RABL2A: variants seen among roughly 807,000 people sequenced by gnomAD.
RABL2A encodes the protein RAB, member of RAS oncogene family like 2A, also known as rab-like protein 2A.
In RABL2A, 17 loss-of-function variants were observed where a neutral mutation model predicts 30.7. That is an observed-to-expected ratio of 0.55 (90% CI 0.38 to 0.83). The LOEUF is 0.83. Among genes scored for constraint, RABL2A ranks in the 40% least tolerant of loss-of-function variants. The pLI, the probability that RABL2A is intolerant of heterozygous loss-of-function variation, is 0.00. For missense variants in RABL2A, 155 were observed against 272.6 expected (o/e 0.57, Z 3.04); for synonymous variants, 64 against 101.8 (o/e 0.63, Z 2.24).
At chr2:113,640,870 T>C in intron 5 of RABL2A, 24 bp from the exon 6 acceptor site, 1 of 1,613,838 alleles carries the variant, frequency 6.2e-7, no homozygotes, top group Non-Finnish European at 8.5e-7. Context: ...ACCTGAGCTA[T>C]CTTTCTTCCT....
At chr2:113,634,411 C>T (rs2258507) in intron 4 of RABL2A, 179 bp downstream of exon 4, 310,675 of 751,718 alleles carry the variant, frequency 0.41, 69,782 homozygotes, top group African/African-American at 0.59. Flanking sequence ...GAAGGGGGCA[C>T]GCAGGGGCCA....
intron 5 of RABL2A, chr2:113,640,586 A>C (rs1433005486): frequency 8.6e-6 from 3 of 347,426 alleles, no homozygotes; most frequent in Non-Finnish European, 1.7e-5. Flanking sequence ...CATGTTGGCC[A>C]GGCTGGTCTC....
At chr2:113,633,042 G>A (rs1483018899) in intron 3 of RABL2A, 98 bp downstream of exon 3, 1 of 1,581,526 alleles carries the variant, frequency 6.3e-7, no homozygotes, top group East Asian at 2.2e-5. Context: ...AGCAGCCCAG[G>A]AACAGGAAGG....
In RABL2A at chr2:113,633,860, A is replaced by G. The variant is rs144071750; in HGVS notation, c.138-293A>G. ...GGGGTATCCACTTTTGCATTTTCCAACTGCATGATGCCTTTTATGACACTT... is the reference window on the plus strand; with the variant it reads ...GGGGTATCCACTTTTGCATTTTCCAGCTGCATGATGCCTTTTATGACACTT... On this transcript the variant is annotated intron_variant, in intron 3 of 8. Coordinates refer to ENST00000683472, the MANE Select transcript of RABL2A (RefSeq NM_001306158.2). 2.9e-3 allele frequency: 1,265 copies of G among 434,384 alleles called. 1 individual carries two copies. The highest frequency in any genetic ancestry group is 4.5e-3 in the Non-Finnish European group (1,098 of 245,516). 26.9% of individuals were successfully genotyped at this position (434,384 alleles called of 1,614,324 possible). A position where few individuals can be genotyped will look rare whatever the true frequency, so the allele number is the denominator to read the frequency against.
At chr2:113,629,194 A>G (rs539229024) in intron 2 of RABL2A, among the ~76,000 whole-genome samples, 1 of 152,238 alleles carries the variant, frequency 6.6e-6, no homozygotes, top group African/African-American at 2.4e-5. Context: ...TGCCACCTGG[A>G]GAGGTGAAGG....
rs1685461436 is a variant in RABL2A at position 113,642,183 on chromosome 2, A to G, written c.*54A>G. 2.6e-6 allele frequency: 4 copies of G among 1,524,154 alleles called. No homozygotes were observed. Among genetic ancestry groups the G allele is most frequent in the Non-Finnish European group, 1.8e-6 (2 of 1,140,228 alleles). The allele number at this position is 1,524,154 out of a possible 1,614,324, so 94.4% of individuals were successfully genotyped here. ...CTTTTAAAATACCCTTCCCTTCAAC[A>G]ACTCTCCAGCTCTGAATGGAGAAAC... is the stretch of plus-strand genomic sequence containing the variant. On this transcript the variant is annotated 3_prime_UTR_variant, in exon 9 of 9. Transcript: ENST00000683472.
At chr2:113,639,725 G>A (rs574639447) in intron 5 of RABL2A, among the ~76,000 whole-genome samples, 6 of 152,062 alleles carry the variant, frequency 3.9e-5, no homozygotes, top group African/African-American at 7.2e-5. Flanking sequence ...GCATGGTGGC[G>A]CACACCTGTA....
intron 5 of RABL2A, among the ~76,000 whole-genome samples, chr2:113,636,980 C>G (rs1251605421): frequency 6.9e-6 from 1 of 144,012 alleles, no homozygotes; most frequent in Non-Finnish European, 1.5e-5. Context: ...CAGAGCGAGA[C>G]TCTGTCTCAA....
At chr2:113,633,773 T>C (rs1305956191) in intron 3 of RABL2A, 4 of 264,788 alleles carry the variant, frequency 1.5e-5, no homozygotes, top group African/African-American at 8.7e-5. Context: ...GGAATGGTCA[T>C]GTTGCTACCT....
intron 5 of RABL2A, chr2:113,637,653 A>G: frequency 1.6e-6 from 2 of 1,272,174 alleles, no homozygotes; most frequent in Admixed American, 5.0e-5. Context: ...CTGTTAAGGT[A>G]CTAAACAAGA....
rs754359792 is a variant in RABL2A at position 113,636,246 on chromosome 2, GTCTT to G, written c.297+1117_297+1120del. Among the ~76,000 whole-genome samples, 290 of 152,230 alleles carry G rather than the reference GTCTT, an allele frequency of 1.9e-3. 5 individuals carry two copies. Among genetic ancestry groups the G allele is most frequent in the Admixed American group, 5.2e-4 (8 of 15,280 alleles). On this transcript the variant is annotated intron_variant, in intron 5 of 8. Coordinates refer to ENST00000683472, the MANE Select transcript of RABL2A (RefSeq NM_001306158.2). ...AAAACTTCTTGGAATAGCATTCAAG[GTCTT>G]GCTTTAACACAAAACCCCAAAACTT... is the stretch of plus-strand genomic sequence containing the variant.
chr2:113,635,630 G>A (rs1396142321), intron 5 of RABL2A: 7 of 200,096 alleles, frequency 3.5e-5, no homozygotes, highest in Non-Finnish European at 7.3e-5. Flanking sequence ...CTGGTGACCC[G>A]GGTGTGGTGA....
chr2:113,636,750 T>A (rs1399198526), intron 5 of RABL2A, among the ~76,000 whole-genome samples: 68 of 151,908 alleles, frequency 4.5e-4, no homozygotes, highest in Admixed American at 5.9e-4. Context: ...GCACTTTGGG[T>A]GGCCGAGGCG....
chr2:113,633,295 C>T, intron 3 of RABL2A: 1 of 385,020 alleles, frequency 2.6e-6, no homozygotes, highest in Non-Finnish European at 4.8e-6. Flanking sequence ...TCTCTAACCT[C>T]AAAGCTTGGG....
At chr2:113,629,611 T>G (rs1679505746) in intron 2 of RABL2A, among the ~76,000 whole-genome samples, 1 of 151,906 alleles carries the variant, frequency 6.6e-6, no homozygotes, top group Admixed American at 6.6e-5. Context: ...CTCGGCTCAC[T>G]GCAAGCTCCG....
At chr2:113,636,352 G>C (rs1213310568) in intron 5 of RABL2A, among the ~76,000 whole-genome samples, 1 of 149,622 alleles carries the variant, frequency 6.7e-6, no homozygotes, top group Non-Finnish European at 1.5e-5. Context: ...TCCAAGGCTG[G>C]GTTCCAGGCT....
At chr2:113,631,143 C>A (rs1209160429) in intron 2 of RABL2A, among the ~76,000 whole-genome samples, 1 of 151,986 alleles carries the variant, frequency 6.6e-6, no homozygotes, top group Non-Finnish European at 1.5e-5. Context: ...GATCTGTCTG[C>A]CTTGGCCTCC....
chr2:113,639,211 C>T (rs1684151902), intron 5 of RABL2A, among the ~76,000 whole-genome samples: 1 of 151,294 alleles, frequency 6.6e-6, no homozygotes, highest in South Asian at 2.1e-4. Context: ...CACTGGAGCC[C>T]AGGGGGTGGA....
At chr2:113,633,082 G>C in intron 3 of RABL2A, 138 bp downstream of exon 3, 1 of 1,372,578 alleles carries the variant, frequency 7.3e-7, no homozygotes. Flanking sequence ...CACAGGTTTT[G>C]TTCTGCACTT....
Sources: allele counts gnomAD v4.1 joint callset (sites outside exome capture counted in the v4.1 genomes callset), GRCh38; gene constraint gnomAD v4.1.1; transcripts MANE v1.5; gene names NCBI Gene and HGNC (gene_info 2026-07-23, HGNC 2026-07-21).